The following SPECC1 variants were observed in gnomAD, a reference collection of about 807,000 sequenced individuals.
The protein encoded by SPECC1 is sperm antigen with calponin homology and coiled-coil domains 1.
Under a neutral mutation model 104.1 loss-of-function variants are expected in SPECC1, and 62 were observed. The ratio of observed to expected loss-of-function variants is 0.60; its 90% CI spans 0.49 to 0.74. The LOEUF (loss-of-function observed/expected upper bound fraction) is 0.74, where lower values mean the gene tolerates loss of function less well. SPECC1 is among the 30% of genes least tolerant of loss of function. The probability of loss-of-function intolerance (pLI) is 0.00; values close to 1 mark genes in which losing one functional copy is unlikely to be tolerated. For missense variants in SPECC1, 1,306 were observed against 1,310.5 expected (o/e 1.00, Z 0.05); for synonymous variants, 513 against 501.6 (o/e 1.02, Z -0.30).
At chr17:20,067,083 AC>A (rs1757565126) in intron 1 of SPECC1, 1 of 152,042 alleles carries the variant, frequency 6.6e-6, no homozygotes, top group Non-Finnish European at 1.5e-5. Context: ...CAAAACTGTT[AC>A]ATGTTCATAG....
intron 1 of SPECC1, among the ~76,000 whole-genome samples, chr17:20,062,989 A>G (rs868129798): frequency 1.3e-5 from 2 of 152,146 alleles, no homozygotes; most frequent in African/African-American, 2.4e-5. Flanking sequence ...TGCCCAGCCA[A>G]GAAACGCATT....
intron 1 of SPECC1, among the ~76,000 whole-genome samples, chr17:20,024,383 A>G (rs1369522383): frequency 6.6e-6 from 1 of 152,160 alleles, no homozygotes; most frequent in Non-Finnish European, 1.5e-5. Context: ...CTTCTCTTCT[A>G]GTCCAGTAAT....
At position 20,314,365 on chromosome 17, in the gene SPECC1, TG is replaced by T; in HGVS notation, c.*301del. 1 of 393,940 alleles carries T rather than the reference TG, an allele frequency of 2.5e-6. No homozygotes were observed. The highest frequency in any genetic ancestry group is 4.7e-6 in the Non-Finnish European group (1 of 211,136). The allele number at this position is 393,940 out of a possible 1,614,324, so 24.4% of individuals were successfully genotyped here. A position where few individuals can be genotyped will look rare whatever the true frequency, so the allele number is the denominator to read the frequency against. ...GACCCCACACCCAGGCTTGTTTTGCTGATTATATTGGGTGGCTGAACGAACA... is the reference window on the plus strand; with the variant it reads ...GACCCCACACCCAGGCTTGTTTTGCTATTATATTGGGTGGCTGAACGAACA... On this transcript the variant is annotated 3_prime_UTR_variant, in exon 15 of 15. Coordinates refer to ENST00000395527, the MANE Select transcript of SPECC1 (RefSeq NM_001243439.2).
chr17:20,166,775 G>A (rs2151158859), intron 3 of SPECC1, among the ~76,000 whole-genome samples: 1 of 152,152 alleles, frequency 6.6e-6, no homozygotes, highest in South Asian at 2.1e-4. Flanking sequence ...CCCTGTCAGA[G>A]ATCTCTGTTT....
intron 3 of SPECC1, among the ~76,000 whole-genome samples, chr17:20,168,050 A>G (rs985535333): frequency 6.6e-6 from 1 of 152,226 alleles, no homozygotes; most frequent in African/African-American, 2.4e-5. Context: ...CAAATAATAG[A>G]AACTTGAAAA....
At chr17:20,274,070 A>G (rs950120576) in intron 12 of SPECC1, among the ~76,000 whole-genome samples, 2 of 152,160 alleles carry the variant, frequency 1.3e-5, no homozygotes, top group Non-Finnish European at 2.9e-5. Context: ...CATATATACT[A>G]TATTATATAC....
At chr17:20,107,896 A>G (rs1242614524) in intron 2 of SPECC1, among the ~76,000 whole-genome samples, 1 of 152,090 alleles carries the variant, frequency 6.6e-6, no homozygotes, top group Non-Finnish European at 1.5e-5. Flanking sequence ...CTATAGTCCT[A>G]GCTACTTGGG....
At chr17:20,231,733 C>T (rs749320766) in intron 5 of SPECC1, 25 bp from the exon 6 acceptor site, 2 of 1,610,116 alleles carry the variant, frequency 1.2e-6, no homozygotes, top group African/African-American at 1.3e-5. Context: ...CTTTTCTAAG[C>T]CCTGTCTGAA....
At chr17:20,115,594 C>T (rs138715091) in intron 3 of SPECC1, among the ~76,000 whole-genome samples, 2 of 152,138 alleles carry the variant, frequency 1.3e-5, no homozygotes, top group African/African-American at 2.4e-5. Context: ...ATTTATGCCA[C>T]CCAAGAATGG....
chr17:20,141,243 C>T (rs1211205374), intron 3 of SPECC1, among the ~76,000 whole-genome samples: 1 of 152,174 alleles, frequency 6.6e-6, no homozygotes, highest in Non-Finnish European at 1.5e-5. Flanking sequence ...TAAGTCACTC[C>T]CATATCCTAC....
chr17:20,275,925 T>G (rs976810069), intron 12 of SPECC1, among the ~76,000 whole-genome samples: 1 of 152,168 alleles, frequency 6.6e-6, no homozygotes, highest in Admixed American at 6.5e-5. Flanking sequence ...GTTCCAGATA[T>G]TTTGAACCAT....
At chr17:20,034,990 G>C (rs556356224) in intron 1 of SPECC1, among the ~76,000 whole-genome samples, 2 of 152,262 alleles carry the variant, frequency 1.3e-5, no homozygotes, top group Admixed American at 1.3e-4. Context: ...GTGAGGTTCA[G>C]GTTCATCTTT....
chr17:20,212,601 A>C (rs2037225478), intron 4 of SPECC1, among the ~76,000 whole-genome samples: 1 of 152,098 alleles, frequency 6.6e-6, no homozygotes, highest in South Asian at 2.1e-4. Flanking sequence ...ATTACCTCCC[A>C]CTGGGGTCCC....
At chr17:20,188,368 C>G (rs1214948768) in intron 3 of SPECC1, among the ~76,000 whole-genome samples, 1 of 151,826 alleles carries the variant, frequency 6.6e-6, no homozygotes, top group African/African-American at 2.4e-5. Flanking sequence ...AAGTGATTCT[C>G]CTGTCTAAGC....
chr17:20,110,588 C>G, intron 3 of SPECC1, 26 bp downstream of exon 3: 1 of 1,597,412 alleles, frequency 6.3e-7, no homozygotes, highest in Non-Finnish European at 8.5e-7. Flanking sequence ...CAGGTGGGCT[C>G]GGCAGGCCAT....
intron 4 of SPECC1, among the ~76,000 whole-genome samples, chr17:20,226,832 C>G (rs1308690102): frequency 6.6e-6 from 1 of 152,178 alleles, no homozygotes; most frequent in South Asian, 2.1e-4. Flanking sequence ...AGAGTTTCCT[C>G]TAAAGAAGCA....
chr17:20,058,150 C>T (rs1305859837), intron 1 of SPECC1, among the ~76,000 whole-genome samples: 2 of 152,152 alleles, frequency 1.3e-5, no homozygotes, highest in South Asian at 2.1e-4. Context: ...TGGTCTTTAT[C>T]AGCCTTATCA....
chr17:20,136,548 T>C (rs932943777), intron 3 of SPECC1, among the ~76,000 whole-genome samples: 1 of 152,162 alleles, frequency 6.6e-6, no homozygotes, highest in African/African-American at 2.4e-5. Context: ...ATGTAAAGGG[T>C]TACAGTGAAA....
intron 13 of SPECC1, among the ~76,000 whole-genome samples, chr17:20,305,475 A>T (rs2041732297): frequency 2.6e-5 from 4 of 152,168 alleles, no homozygotes. Flanking sequence ...CTGAGTCCTC[A>T]TATGTCCTGG....
Sources: gnomAD v4.1 joint callset for allele counts (sites outside exome capture counted in the v4.1 genomes callset) on GRCh38, gnomAD v4.1.1 for gene constraint, MANE v1.5 for transcripts, NCBI Gene and HGNC (gene_info 2026-07-23, HGNC 2026-07-21) for gene names.